The following SLC17A5 variants were observed in gnomAD, a reference collection of about 807,000 sequenced individuals.
SLC17A5 encodes solute carrier family 17 member 5, also known as sialin.
Under a neutral mutation model 59.4 loss-of-function variants are expected in SLC17A5, and 47 were observed. That is an observed-to-expected ratio of 0.79 (90% CI 0.63 to 1.01). SLC17A5 has a LOEUF of 1.01. Ranked by LOEUF, SLC17A5 falls within the 50% of genes least tolerant of loss-of-function variation. The pLI is 0.00. For synonymous variants in SLC17A5, 202 were observed against 210.7 expected, an observed-to-expected ratio of 0.96 and a Z score of 0.36; for missense variants, 522 against 595.5, an observed-to-expected ratio of 0.88 and a Z score of 1.28.
chr6:73,606,429 C>G (rs984823043), intron 9 of SLC17A5, among the ~76,000 whole-genome samples: 33 of 152,208 alleles, frequency 2.2e-4, no homozygotes, highest in Non-Finnish European at 4.4e-5. Context: ...CACTTGCTTA[C>G]CATCCTCCCA....
chr6:73,653,429 T>A, intron 1 of SLC17A5: 1 of 985,376 alleles, frequency 1.0e-6, no homozygotes, highest in South Asian at 4.7e-5. Context: ...CCCAGTTCGT[T>A]CTTCCACTGG....
chr6:73,652,332 A>T (rs900411139), intron 1 of SLC17A5, among the ~76,000 whole-genome samples: 13 of 152,214 alleles, frequency 8.5e-5, no homozygotes, highest in African/African-American at 3.1e-4. Context: ...TACGTGATAA[A>T]TGTATACATT....
At chr6:73,628,501 G>A (rs1561994940) in intron 6 of SLC17A5, among the ~76,000 whole-genome samples, 1 of 152,148 alleles carries the variant, frequency 6.6e-6, no homozygotes, top group Non-Finnish European at 1.5e-5. Flanking sequence ...AACCCGGGAA[G>A]CAGAGGTTGC....
chr6:73,640,071 G>C (rs1230137184), intron 3 of SLC17A5, among the ~76,000 whole-genome samples: 1 of 152,020 alleles, frequency 6.6e-6, no homozygotes, highest in African/African-American at 2.4e-5. Context: ...ATAAATAAAT[G>C]AATAAATAAA....
intron 1 of SLC17A5, among the ~76,000 whole-genome samples, chr6:73,650,507 C>CAAAAAAAAAAAAAA (rs999445559): frequency 2.8e-5 from 1 of 35,540 alleles, no homozygotes; most frequent in Non-Finnish European, 6.3e-5. Flanking sequence ...GACTCCGTCT[C>CAAAAAAAAAAAAAA]AAAAAAAAAA....
At chr6:73,650,291 C>CCT in intron 1 of SLC17A5, among the ~76,000 whole-genome samples, 1 of 151,398 alleles carries the variant, frequency 6.6e-6, no homozygotes, top group African/African-American at 2.4e-5. Flanking sequence ...AGGTGGATCA[C>CCT]GTGGTCAGGA....
chr6:73,648,898 A>C (rs1769708664), intron 1 of SLC17A5, among the ~76,000 whole-genome samples: 1 of 152,148 alleles, frequency 6.6e-6, no homozygotes, highest in African/African-American at 2.4e-5. Context: ...GGACATTCTA[A>C]ATGATCTGCA....
intron 7 of SLC17A5, among the ~76,000 whole-genome samples, chr6:73,621,347 C>T (rs608557): frequency 0.11 from 16,254 of 152,134 alleles, 1,048 homozygotes; most frequent in Middle Eastern, 0.18. Flanking sequence ...CCATGTTGCC[C>T]GGTCTGGTCT....
intron 8 of SLC17A5, among the ~76,000 whole-genome samples, chr6:73,614,358 A>G (rs1767759519): frequency 6.6e-6 from 1 of 152,208 alleles, no homozygotes; most frequent in Non-Finnish European, 1.5e-5. Flanking sequence ...AGATCACTTG[A>G]GGCCAGGAAT....
At chr6:73,631,717 G>A (rs1261139918) in intron 6 of SLC17A5, among the ~76,000 whole-genome samples, 2 of 151,720 alleles carry the variant, frequency 1.3e-5, no homozygotes, top group Admixed American at 1.3e-4. Flanking sequence ...AAGATGTCCT[G>A]TACCTTACAG....
chr6:73,629,996 ATTTT>A (rs10585763), intron 6 of SLC17A5, among the ~76,000 whole-genome samples: 15,898 of 143,248 alleles, frequency 0.11, 1,006 homozygotes, highest in Middle Eastern at 0.19. Context: ...TTATTTCTCT[ATTTT>A]TTTTTTTTTT....
chr6:73,594,944 T>C lies in SLC17A5; in HGVS notation c.*133A>G. ...TCTGGCAACTAGTGATATTTCATGA[T>C]TATAGGCCTTAAAAATCTAATACAA... On this transcript the variant is annotated 3_prime_UTR_variant, in exon 11 of 11. Transcript: ENST00000355773. 1.1e-6 allele frequency: 1 copy of C among 924,318 alleles called. No homozygotes were observed. The highest frequency in any genetic ancestry group is 2.4e-5 in the East Asian group (1 of 40,948). The allele number at this position is 924,318 out of a possible 1,614,324, so 57.3% of individuals were successfully genotyped here. A position where few individuals can be genotyped will look rare whatever the true frequency, so the allele number is the denominator to read the frequency against.
Position 73,636,626 on chromosome 6 carries a change from A to C in SLC17A5, c.695T>G (p.Phe232Cys). Reference protein sequence around the residue: ...YYMNWTYVFYFFGTIGIFWFL... With the variant: ...YYMNWTYVFYCFGTIGIFWFL... The stretch of plus-strand genomic sequence containing the variant: ...AGTTAAAATTTTAAACTTACCAAAA[A>C]AGTAGAAGACATAAGTCCAATTCAT... Residue 232 changes from phenylalanine to cysteine, a missense_variant, in exon 5 of 11, where the codon TTT (phenylalanine) becomes TGT (cysteine). This residue lies in a region of SLC17A5 where 338 missense variants were observed against 363.8 expected (regional missense o/e 0.93). Transcript: ENST00000355773. 3 of 1,570,910 alleles carry C rather than the reference A, an allele frequency of 1.9e-6. No homozygotes were observed. The highest frequency in any genetic ancestry group is 2.6e-6 in the Non-Finnish European group (3 of 1,141,140).
chr6:73,600,732 C>T (rs1253906138), intron 9 of SLC17A5, among the ~76,000 whole-genome samples: 1 of 152,064 alleles, frequency 6.6e-6, no homozygotes. Flanking sequence ...AGCTCCTGAC[C>T]TCAAGTGATC....
chr6:73,605,621 C>T (rs1235410674), intron 9 of SLC17A5, among the ~76,000 whole-genome samples: 1 of 137,252 alleles, frequency 7.3e-6, no homozygotes, highest in African/African-American at 3.0e-5. Context: ...GCTAGAACTG[C>T]AAGGTTTAAA....
intron 4 of SLC17A5, among the ~76,000 whole-genome samples, chr6:73,638,084 A>C (rs1351986128): frequency 6.6e-6 from 1 of 152,044 alleles, no homozygotes; most frequent in East Asian, 1.9e-4. Context: ...AGCATCTCTA[A>C]ACAAACAAAA....
intron 1 of SLC17A5, among the ~76,000 whole-genome samples, chr6:73,644,866 G>C (rs1423446356): frequency 6.6e-6 from 1 of 152,136 alleles, no homozygotes; most frequent in Admixed American, 6.5e-5. Flanking sequence ...AAATGTTAAA[G>C]AATATTCTTA....
chr6:73,650,538 GAAA>G (rs1769811870), intron 1 of SLC17A5, among the ~76,000 whole-genome samples: 1 of 135,040 alleles, frequency 7.4e-6, no homozygotes, highest in African/African-American at 2.7e-5. Context: ...AAAAGAAAAA[GAAA>G]AAAATTAGCC....
intron 10 of SLC17A5, 124 bp from the exon 11 acceptor site, chr6:73,595,338 C>T: frequency 9.6e-7 from 1 of 1,036,818 alleles, no homozygotes. Context: ...ATCCTTGAAA[C>T]AACCCAAATG....
Sources: gnomAD v4.1 joint callset for allele counts (sites outside exome capture counted in the v4.1 genomes callset) on GRCh38, gnomAD v4.1.1 for gene constraint, gnomAD v4.1.1 regional missense constraint, MANE v1.5 for transcripts, NCBI Gene and HGNC (gene_info 2026-07-23, HGNC 2026-07-21) for gene names.